Variants in LRRC71 observed in about 807,000 individuals in gnomAD.
LRRC71 encodes the protein leucine-rich repeat-containing protein 71.
LRRC71 carries 54 observed loss-of-function variants against 66.6 expected under a neutral mutation model. The ratio of observed to expected loss-of-function variants is 0.81; its 90% CI spans 0.65 to 1.02. The LOEUF (loss-of-function observed/expected upper bound fraction) is 1.02, where lower values mean the gene tolerates loss of function less well. Among genes scored for constraint, LRRC71 ranks in the 50% least tolerant of loss-of-function variants. The pLI is 0.00. For missense variants in LRRC71, 724 were observed against 718.0 expected, an observed-to-expected ratio of 1.01 and a Z score of -0.10; for synonymous variants, 323 against 303.9, an observed-to-expected ratio of 1.06 and a Z score of -0.65.
chr1:156,933,651 A>G (rs1654682380), downstream of LRRC71, among the ~76,000 whole-genome samples: 2 of 152,248 alleles, frequency 1.3e-5, no homozygotes, highest in Admixed American at 6.5e-5. Context: ...ATCTGAAACC[A>G]GAGGTTCCTG....
chr1:156,936,073 T>G (rs1296181148), downstream of LRRC71: 3 of 1,613,926 alleles, frequency 1.9e-6, no homozygotes, highest in Non-Finnish European at 2.5e-6. Flanking sequence ...GGGAGGAGGA[T>G]GAAGGTGAGG....
In LRRC71 at chr1:156,930,526, C is replaced by T. The variant is rs1654206247; in HGVS notation, c.1241-3C>T. 3 of 1,558,520 alleles carry T rather than the reference C, an allele frequency of 1.9e-6. No individual in the cohort carries two copies. In the South Asian group the frequency reaches 3.6e-5, roughly 18 times the overall value. ...TGCATTCTGGCTCCTCTTCTGGCCC[C>T]AGAGGTAACCATCCCTGAACAGAAG... On this transcript the variant is annotated splice_polypyrimidine_tract_variant and splice_region_variant and intron_variant, in intron 11 of 14. Transcript: ENST00000337428.
chr1:156,933,453 C>T (rs112451203), downstream of LRRC71, among the ~76,000 whole-genome samples: 201 of 152,342 alleles, frequency 1.3e-3, 1 homozygote, highest in African/African-American at 4.5e-3. Flanking sequence ...CATGCCCGCT[C>T]CCTTCTGCTT....
rs1286938555 is a variant in LRRC71, at chr1:156,920,921, A to C, written c.118A>C (p.Thr40Pro). ...GERAAKEKPATVLPPVGEEEP... is the reference protein window; with the variant it reads ...GERAAKEKPAPVLPPVGEEEP... ...GCGCGCGGCCAAAGAGAAGCCAGCGACCGTTCTGCCTCCCGTGGGGGAGGA... is the reference window on the plus strand; with the variant it reads ...GCGCGCGGCCAAAGAGAAGCCAGCGCCCGTTCTGCCTCCCGTGGGGGAGGA... Residue 40 changes from threonine (T) to proline (P), a missense_variant, in exon 1 of 15, where the codon ACC becomes CCC. Physicochemically the swap from Thr to Pro is conservative, Grantham distance 38. Coordinates refer to ENST00000337428, the MANE Select transcript of LRRC71 (RefSeq NM_144702.3). The surrounding 1 kb of genome is among the most constrained non-coding windows in gnomAD (Gnocchi z 4.9). The C allele has an allele frequency of 8.4e-6, 13 of 1,540,842 alleles. No homozygotes were observed. The highest frequency in any genetic ancestry group is 1.1e-5 in the Non-Finnish European group (13 of 1,142,218).
chr1:156,929,196 A>C, intron 9 of LRRC71, 84 bp from the exon 10 acceptor site: 1 of 1,489,810 alleles, frequency 6.7e-7, no homozygotes, highest in Non-Finnish European at 9.0e-7. Context: ...CTGCTCCCCA[A>C]GTATGGGTAT....
At chr1:156,927,040 T>A (rs575146650) in intron 5 of LRRC71, 162 bp from the exon 6 acceptor site, 1 of 673,430 alleles carries the variant, frequency 1.5e-6, no homozygotes. Context: ...CATCTGTGAA[T>A]TTTTAGTCTG....
At chr1:156,926,079 A>C (rs1263237075) in intron 5 of LRRC71, among the ~76,000 whole-genome samples, 1 of 152,240 alleles carries the variant, frequency 6.6e-6, no homozygotes, top group Non-Finnish European at 1.5e-5. Context: ...TCTAGCCATT[A>C]GTTCAGTTTT....
intron 11 of LRRC71, among the ~76,000 whole-genome samples, chr1:156,930,177 C>G (rs988079294): frequency 1.4e-5 from 2 of 147,426 alleles, no homozygotes; most frequent in African/African-American, 2.5e-5. Context: ...ACTGCAACCT[C>G]TGTCTCCTGG....
At chr1:156,934,869 A>G (rs956420348), downstream of LRRC71, 3 of 151,396 alleles carry the variant, frequency 2.0e-5, no homozygotes, top group South Asian at 2.1e-4. Flanking sequence ...CTTAAAAAAA[A>G]AATCTTAACC....
intron 12 of LRRC71, 109 bp from the exon 13 acceptor site, chr1:156,931,807 C>G: frequency 1.2e-6 from 1 of 861,364 alleles, no homozygotes; most frequent in South Asian, 1.6e-5. Flanking sequence ...GGGACAAAGC[C>G]TGGACTATAG....
chr1:156,939,698 C>G, the LRRC71 span: 1 of 1,614,144 alleles, frequency 6.2e-7, no homozygotes, highest in East Asian at 2.2e-5. Context: ...TCTTCCTGCT[C>G]TGGCCGTTCC....
At chr1:156,937,378 C>CT, downstream of LRRC71, 1 of 1,608,648 alleles carries the variant, frequency 6.2e-7, no homozygotes, top group Non-Finnish European at 8.5e-7. Context: ...GCAGCTGAGG[C>CT]TGAGGCTCTG....
At chr1:156,934,860 T>A (rs1654786624), downstream of LRRC71, 1 of 150,580 alleles carries the variant, frequency 6.6e-6, no homozygotes, top group Non-Finnish European at 1.5e-5. Context: ...TTAACTTTTC[T>A]TAAAAAAAAA....
At chr1:156,936,851 C>T (rs766162519), downstream of LRRC71, 2 of 1,613,974 alleles carry the variant, frequency 1.2e-6, no homozygotes, top group South Asian at 2.2e-5. Context: ...ATGGCTGTTC[C>T]TGGAGTCAGA....
the LRRC71 span, chr1:156,939,387 CCTGCCTGATATCGGCGTTGT>C: frequency 1.0e-6 from 1 of 964,288 alleles, no homozygotes; most frequent in Non-Finnish European, 1.5e-6. Flanking sequence ...AACTCCAAAG[CCTGCCTGATATCGGCGTTGT>C]CTCCTTCTTC....
Position 156,932,865 on chromosome 1 carries a change from GC to G in LRRC71, c.1580del (p.Pro527HisfsTer8). 1 of 1,606,082 alleles carries G rather than the reference GC, an allele frequency of 6.2e-7. No homozygotes were observed. Among genetic ancestry groups the G allele is most frequent in the Non-Finnish European group, 8.5e-7 (1 of 1,177,290 alleles). On this transcript the variant is annotated frameshift_variant, in exon 15 of 15. Transcript: ENST00000337428. LOFTEE classifies it high-confidence loss of function. ...CTTTTCTTTTCAGAAAAATTGCTTCGCCCCACAATGTCCTGCGTACGCCATA... is the reference window on the plus strand; with the variant it reads ...CTTTTCTTTTCAGAAAAATTGCTTCGCCCACAATGTCCTGCGTACGCCATA... ...LWLSLAKNCF[A>X]PQCPAYAIIQ...
At position 156,925,072 on chromosome 1, in the gene LRRC71, A is replaced by AG. The variant is rs1235465267; in HGVS notation, c.593+61dup. The AG allele has an allele frequency of 7.9e-6, 12 of 1,510,292 alleles. No individual in the cohort carries two copies. The East Asian group carries it at 2.9e-4, about 37-fold the overall frequency. The allele number at this position is 1,510,292 out of a possible 1,614,324, so 93.6% of individuals were successfully genotyped here. A position where few individuals can be genotyped will look rare whatever the true frequency, so the allele number is the denominator to read the frequency against. ...GAAGCCTGGCTGGGCGGGTGGTCAGAGGGGAGCAGTGTGGGGATGGAAGTG... is the reference window on the plus strand; with the variant it reads ...GAAGCCTGGCTGGGCGGGTGGTCAGAGGGGGAGCAGTGTGGGGATGGAAGTG... On this transcript the variant is annotated intron_variant, in intron 5 of 14. Transcript: ENST00000337428.
Position 156,923,892 on chromosome 1 carries a change from T to C in LRRC71, c.161-57T>C, listed in dbSNP as rs911677309. 1.2e-5 allele frequency: 17 copies of C among 1,416,398 alleles called. No individual in the cohort carries two copies. In the South Asian group the frequency reaches 2.0e-4, roughly 17 times the overall value. The allele number at this position is 1,416,398 out of a possible 1,614,324, so 87.7% of individuals were successfully genotyped here. The stretch of plus-strand genomic sequence containing the variant: ...GGCCCCTCCGCCCGCGCGGGAGAGC[T>C]TGGGGATGCGGGGGTGGGCGTGGCC... On this transcript the variant is annotated intron_variant, in intron 1 of 14. Transcript: ENST00000337428.
intron 9 of LRRC71, among the ~76,000 whole-genome samples, chr1:156,928,552 T>C (rs1653769846): frequency 1.4e-5 from 2 of 144,018 alleles, no homozygotes; most frequent in Middle Eastern, 3.4e-3. Context: ...CTTTCTTCTT[T>C]CTTCTTCTTA....
Sources: gnomAD v4.1 joint callset for allele counts (sites outside exome capture counted in the v4.1 genomes callset) on GRCh38, gnomAD v4.1.1 for gene constraint, Gnocchi (gnomAD v3.1) non-coding constraint, MANE v1.5 for transcripts, NCBI Gene and HGNC (gene_info 2026-07-23, HGNC 2026-07-21) for gene names.